Variants in ZZEF1 observed in about 807,000 individuals in gnomAD.
ZZEF1 encodes the protein zinc finger ZZ-type and EF-hand domain containing 1.
ZZEF1 carries 157 observed loss-of-function variants against 342.8 expected under a neutral mutation model. That is an observed-to-expected ratio of 0.46 (90% CI 0.40 to 0.52). ZZEF1 has a LOEUF of 0.52. Ranked by LOEUF, ZZEF1 falls within the 20% of genes least tolerant of loss-of-function variation. ZZEF1 has a pLI of 0.00. For missense variants in ZZEF1, 3,480 were observed against 3,725.6 expected, an observed-to-expected ratio of 0.93 and a Z score of 1.72; for synonymous variants, 1,505 against 1,429.1, an observed-to-expected ratio of 1.05 and a Z score of -1.20.
intron 8 of ZZEF1, among the ~76,000 whole-genome samples, chr17:4,103,864 G>C (rs1157826192): frequency 1.3e-5 from 2 of 152,182 alleles, no homozygotes; most frequent in Non-Finnish European, 2.9e-5. Flanking sequence ...AGGCTGCAGT[G>C]AGCCGTGATC....
At position 4,032,149 on chromosome 17, in the gene ZZEF1, A is replaced by C. The variant is rs1364971795; in HGVS notation, c.6869T>G (p.Val2290Gly). 1.9e-6 allele frequency: 3 copies of C among 1,611,078 alleles called. No individual in the cohort carries two copies. Among genetic ancestry groups the C allele is most frequent in the Non-Finnish European group, 2.5e-6 (3 of 1,179,264 alleles). The change falls in exon 42 of 55, where the codon GTC becomes GGC. Residue 2290 changes from valine (V) to glycine (G), a missense_variant. Physicochemically the swap from Val to Gly is moderately radical, Grantham distance 109. Coordinates refer to ENST00000381638, the MANE Select transcript of ZZEF1 (RefSeq NM_015113.4). ...ACCTGTTTTCCTCTTCCGAGTTTTG[A>C]CATCAACAATCACAGCCCTGTTCTT... ...TEKNRAVIVD[V>G]KTRKRKTVKD...
chr17:4,136,835 G>A (rs1028165853), intron 1 of ZZEF1, among the ~76,000 whole-genome samples: 2 of 152,002 alleles, frequency 1.3e-5, no homozygotes, highest in Admixed American at 1.3e-4. Context: ...CCTTTCATAC[G>A]GCAAATCCCT....
Position 4,006,699 on chromosome 17 carries a change from T to C in ZZEF1, c.*191A>G. On this transcript the variant is annotated 3_prime_UTR_variant, in exon 55 of 55. Coordinates refer to ENST00000381638, the MANE Select transcript of ZZEF1 (RefSeq NM_015113.4). ...ACTGCTTGGCTTATTTTCACCATGC[T>C]ACAGCCTGTGCTTGTGTCCAGCCTA... 1 of 666,142 alleles carries C rather than the reference T, an allele frequency of 1.5e-6. No individual in the cohort carries two copies. Among genetic ancestry groups the C allele is most frequent in the Admixed American group, 2.2e-5 (1 of 45,366 alleles). The allele number at this position is 666,142 out of a possible 1,614,324, so 41.3% of individuals were successfully genotyped here. A position where few individuals can be genotyped will look rare whatever the true frequency, so the allele number is the denominator to read the frequency against.
intron 23 of ZZEF1, 42 bp from the exon 24 acceptor site, chr17:4,074,393 A>T (rs1477336493): frequency 6.3e-7 from 1 of 1,599,088 alleles, no homozygotes; most frequent in African/African-American, 1.3e-5. Flanking sequence ...AGATTAGAGG[A>T]GGAGTGCTTC....
At chr17:4,077,790 T>C in intron 19 of ZZEF1, 93 bp downstream of exon 19, 2 of 1,347,294 alleles carry the variant, frequency 1.5e-6, no homozygotes, top group Admixed American at 1.9e-5. Flanking sequence ...GAAAGCCATA[T>C]GCACACTCAT....
chr17:4,114,352 T>A lies in ZZEF1; in HGVS notation c.813A>T (p.Gly271=), dbSNP rs749893203. ...CTGACTGCCAGTAGGATGAGGTTTC[T>A]CCATTTGTCATCTTGTCAATGTCTG... The part of the protein sequence containing the change: ...NSADIDKMTN[G]ETSSYWQSDG... Residue 271 remains glycine, a synonymous_variant, in exon 4 of 55, where the codon GGA becomes GGT. Transcript: ENST00000381638. The A allele has an allele frequency of 1.2e-5, 19 of 1,612,314 alleles. No homozygotes were observed. In the South Asian group the frequency reaches 2.0e-4, roughly 17 times the overall value.
At chr17:4,129,717 G>C (rs919262943) in intron 1 of ZZEF1, among the ~76,000 whole-genome samples, 1 of 152,036 alleles carries the variant, frequency 6.6e-6, no homozygotes, top group Non-Finnish European at 1.5e-5. Flanking sequence ...GGCACCTATA[G>C]TCCCAGCTAC....
intron 29 of ZZEF1, among the ~76,000 whole-genome samples, 185 bp downstream of exon 29, chr17:4,064,176 C>T (rs532637903): frequency 1.3e-5 from 2 of 151,266 alleles, no homozygotes; most frequent in Admixed American, 1.3e-4. Context: ...TCACCGTGCC[C>T]ACCCAAAAAT....
chr17:4,018,163 G>C (rs2056166246), intron 46 of ZZEF1, among the ~76,000 whole-genome samples, 192 bp from the exon 47 acceptor site: 1 of 152,084 alleles, frequency 6.6e-6, no homozygotes, highest in Admixed American at 6.5e-5. Context: ...TGTATGCTCT[G>C]TGGCAGGAGA....
At chr17:4,111,620 C>T (rs2058301007) in intron 5 of ZZEF1, among the ~76,000 whole-genome samples, 1 of 147,798 alleles carries the variant, frequency 6.8e-6, no homozygotes, top group South Asian at 2.1e-4. Context: ...GACTGCACCA[C>T]TGCACTCCAG....
intron 3 of ZZEF1, 32 bp downstream of exon 3, chr17:4,116,940 G>GT: frequency 6.5e-7 from 1 of 1,528,516 alleles, no homozygotes; most frequent in Non-Finnish European, 8.8e-7. Context: ...AATGATCAGA[G>GT]TATTTTCAGG....
chr17:4,050,869 G>T lies in ZZEF1; in HGVS notation c.5775C>A (p.Asp1925Glu). Residue 1925 changes from aspartate (D) to glutamate (E), a missense_variant, in exon 36 of 55, where the codon GAC becomes GAA. Physicochemically the swap from Asp to Glu is conservative, Grantham distance 45. Transcript: ENST00000381638. ...SAEDVDGEKL[D>E]PQTRSSATTL... Reference sequence around the variant, plus strand: ...TGGTGGCACTGCTGCGCGTCTGGGGGTCCAGCTTCTCCCCATCCACATCCT... The same window carrying T: ...TGGTGGCACTGCTGCGCGTCTGGGGTTCCAGCTTCTCCCCATCCACATCCT... 6.2e-7 allele frequency: 1 copy of T among 1,614,222 alleles called. No homozygotes were observed.
chr17:4,051,906 G>A, intron 35 of ZZEF1, 65 bp downstream of exon 35: 1 of 1,510,508 alleles, frequency 6.6e-7, no homozygotes, highest in Non-Finnish European at 8.9e-7. Flanking sequence ...AAAGAAAGAA[G>A]TCCCTTTTCA....
intron 9 of ZZEF1, 31 bp downstream of exon 9, chr17:4,102,286 C>T: frequency 1.3e-6 from 2 of 1,593,872 alleles, no homozygotes; most frequent in Non-Finnish European, 1.7e-6. Context: ...GTCTACCGAG[C>T]ACACTAGAAA....
intron 37 of ZZEF1, among the ~76,000 whole-genome samples, chr17:4,045,713 G>C (rs546153212): frequency 3.9e-5 from 6 of 152,074 alleles, no homozygotes; most frequent in Non-Finnish European, 7.3e-5. Context: ...AACCACACAT[G>C]TCACTTGATC....
chr17:4,058,254 G>T, intron 31 of ZZEF1, 99 bp from the exon 32 acceptor site: 1 of 1,305,976 alleles, frequency 7.7e-7, no homozygotes. Context: ...ATTGAAAGCA[G>T]AAGGGAACTT....
chr17:4,078,115 A>C, intron 18 of ZZEF1, 73 bp from the exon 19 acceptor site: 1 of 1,474,986 alleles, frequency 6.8e-7, no homozygotes, highest in Non-Finnish European at 9.2e-7. Flanking sequence ...GGCATCCTCT[A>C]AAGCAGCAGC....
rs1198919899 is a variant in ZZEF1 at position 4,008,795 on chromosome 17, C to T, written c.8805+88G>A. ...CCGGGTGGATTCTGTCCTACTCAGA[C>T]GCAATGTACAGACCTTCTCTGCCCT... On this transcript the variant is annotated intron_variant, in intron 54 of 54. Coordinates refer to ENST00000381638, the MANE Select transcript of ZZEF1 (RefSeq NM_015113.4). This position sits in a 1 kb window ranked among gnomAD's most constrained non-coding sequence, Gnocchi z 4.2. 14 of 1,511,402 alleles carry T rather than the reference C, an allele frequency of 9.3e-6. No individual in the cohort carries two copies. The highest frequency in any genetic ancestry group is 2.5e-5 in the East Asian group (1 of 40,404). The allele number at this position is 1,511,402 out of a possible 1,614,324, so 93.6% of individuals were successfully genotyped here.
chr17:4,114,415 T>C lies in ZZEF1; in HGVS notation c.750A>G (p.Ala250=), dbSNP rs763079986. Residue 250 remains alanine (A), a synonymous_variant, in exon 4 of 55, where the codon GCA becomes GCG. Coordinates refer to ENST00000381638, the MANE Select transcript of ZZEF1 (RefSeq NM_015113.4). The stretch of plus-strand genomic sequence containing the variant: ...ATGTTTCTATATAAGCATAGCACTT[T>C]GCTACTGACTTGAGTTTATCCATCT... ...SPEMDKLKSV[A]KCYAYIETSS... 8.1e-6 allele frequency: 13 copies of C among 1,609,612 alleles called. No individual in the cohort carries two copies. The highest frequency in any genetic ancestry group is 1.1e-5 in the Non-Finnish European group (13 of 1,177,988).
Sources: gnomAD v4.1 joint callset for allele counts (sites outside exome capture counted in the v4.1 genomes callset) on GRCh38, gnomAD v4.1.1 for gene constraint, Gnocchi (gnomAD v3.1) non-coding constraint, MANE v1.5 for transcripts, NCBI Gene and HGNC (gene_info 2026-07-23, HGNC 2026-07-21) for gene names.